Variants in DHX33 observed in about 807,000 individuals in gnomAD.
DHX33 encodes the protein DEAH-box helicase 33.
In DHX33, 42 loss-of-function variants were observed where a neutral mutation model predicts 72.5. The ratio of observed to expected loss-of-function variants is 0.58; its 90% CI spans 0.45 to 0.75. The LOEUF is 0.75. Ranked by LOEUF, DHX33 falls within the 30% of genes least tolerant of loss-of-function variation. The probability of loss-of-function intolerance (pLI) is 0.00; values close to 1 mark genes in which losing one functional copy is unlikely to be tolerated. For synonymous variants in DHX33, 358 were observed against 366.1 expected, an observed-to-expected ratio of 0.98 and a Z score of 0.25; for missense variants, 842 against 917.5, an observed-to-expected ratio of 0.92 and a Z score of 1.06.
intron 4 of DHX33, among the ~76,000 whole-genome samples, chr17:5,456,596 A>G (rs1904335997): frequency 6.6e-6 from 1 of 152,230 alleles, no homozygotes; most frequent in African/African-American, 2.4e-5. Flanking sequence ...CAAAAACACA[A>G]AAAACAAAAC....
At chr17:5,448,032 A>G (rs1185211298) in intron 11 of DHX33, among the ~76,000 whole-genome samples, 2 of 152,040 alleles carry the variant, frequency 1.3e-5, no homozygotes, top group African/African-American at 4.8e-5. Context: ...TACAAAAATT[A>G]GCCAGGCGTG....
At chr17:5,446,462 G>A (rs913995730) in intron 11 of DHX33, among the ~76,000 whole-genome samples, 4 of 151,948 alleles carry the variant, frequency 2.6e-5, no homozygotes, top group African/African-American at 9.7e-5. Context: ...TTGTAAAATG[G>A]GAATAACAAA....
At chr17:5,455,554 T>A (rs993305925) in intron 5 of DHX33, among the ~76,000 whole-genome samples, 1 of 152,196 alleles carries the variant, frequency 6.6e-6, no homozygotes, top group Non-Finnish European at 1.5e-5. Context: ...GCCAGTGACT[T>A]ACTATGCGCC....
chr17:5,447,092 G>A (rs1260612257), intron 11 of DHX33, among the ~76,000 whole-genome samples: 4 of 152,194 alleles, frequency 2.6e-5, no homozygotes, highest in African/African-American at 9.6e-5. Context: ...CTGTCTCAGT[G>A]ATCAACAGCA....
intron 6 of DHX33, 23 bp downstream of exon 6, chr17:5,455,137 A>T: frequency 6.3e-7 from 1 of 1,579,286 alleles, no homozygotes; most frequent in Non-Finnish European, 8.7e-7. Flanking sequence ...CAGGAGAGAC[A>T]TTCATGAACT....
At chr17:5,448,612 C>A (rs1916756147) in intron 11 of DHX33, 197 bp downstream of exon 11, 2 of 337,928 alleles carry the variant, frequency 5.9e-6, no homozygotes, top group Non-Finnish European at 1.1e-5. Flanking sequence ...TAAAAAAATA[C>A]AATAAAAACT....
rs973085133 is a variant in DHX33 at position 5,453,825 on chromosome 17, G to C, written c.1303C>G (p.Gln435Glu). 1 of 1,613,940 alleles carries C rather than the reference G, an allele frequency of 6.2e-7. No individual in the cohort carries two copies. The highest frequency in any genetic ancestry group is 8.5e-7 in the Non-Finnish European group (1 of 1,179,934). ...GCAGGAGCAACTGGTGCCTACCTCT[G>C]GATCTCTGGCACGGTCATCTTATCA... is the stretch of plus-strand genomic sequence containing the variant. ...KFDKMTVPEI[Q>E]RCNLASVMLQ... is the part of the protein sequence containing the mutation. The change falls in exon 7 of 12, where the codon CAG (glutamine) becomes GAG (glutamate). Residue 435 changes from glutamine to glutamate, a missense_variant. By Grantham distance (29) the Gln-to-Glu change is conservative. Transcript: ENST00000225296.
At chr17:5,468,527 C>T in intron 1 of DHX33, 44 bp downstream of exon 1, 1 of 1,583,846 alleles carries the variant, frequency 6.3e-7, no homozygotes, top group African/African-American at 1.3e-5. Context: ...CTAGCTAAGC[C>T]ACGGACGAAG....
chr17:5,456,384 C>T (rs908230642), intron 4 of DHX33, among the ~76,000 whole-genome samples: 2 of 152,308 alleles, frequency 1.3e-5, no homozygotes, highest in Admixed American at 6.5e-5. Flanking sequence ...TGATGGCTCA[C>T]GCCTGTAAAC....
intron 9 of DHX33, 77 bp from the exon 10 acceptor site, chr17:5,450,483 T>C: frequency 1.3e-6 from 2 of 1,493,368 alleles, no homozygotes; most frequent in Non-Finnish European, 1.8e-6. Flanking sequence ...TACATTGCTT[T>C]TGCAGTTTCC....
chr17:5,451,268 G>A (rs1246530848), intron 8 of DHX33, among the ~76,000 whole-genome samples: 1 of 152,118 alleles, frequency 6.6e-6, no homozygotes, highest in African/African-American at 2.4e-5. Context: ...ACCGCGCCCA[G>A]CTAATTTTTG....
At position 5,468,955 on chromosome 17, in the gene DHX33, C is replaced by G. The variant is rs370338400; in HGVS notation, c.-96G>C. On this transcript the variant is annotated 5_prime_UTR_variant, in exon 1 of 12. Transcript: ENST00000225296. ...GAGCACACCGCCCCTTCCTCGCCGC[C>G]ACGTGCTGGCGGCTCCCGGCGACCA... The G allele has an allele frequency of 2.9e-5, 34 of 1,190,268 alleles. No individual in the cohort carries two copies. In the African/African-American group the frequency reaches 5.1e-4, roughly 18 times the overall value. The allele number at this position is 1,190,268 out of a possible 1,614,324, so 73.7% of individuals were successfully genotyped here.
At chr17:5,449,760 G>A (rs1304127052) in intron 10 of DHX33, among the ~76,000 whole-genome samples, 3 of 152,116 alleles carry the variant, frequency 2.0e-5, no homozygotes, top group Admixed American at 6.5e-5. Flanking sequence ...TCAACTGCAC[G>A]AAGCTTCGTT....
At position 5,462,240 on chromosome 17, in the gene DHX33, A is replaced by G. The variant is rs1422207851; in HGVS notation, c.678+79T>C. The G allele has an allele frequency of 2.2e-6, 3 of 1,367,928 alleles. No individual in the cohort carries two copies. In the South Asian group the frequency reaches 4.0e-5, roughly 18 times the overall value. The allele number at this position is 1,367,928 out of a possible 1,614,324, so 84.7% of individuals were successfully genotyped here. A position where few individuals can be genotyped will look rare whatever the true frequency, so the allele number is the denominator to read the frequency against. Reference sequence around the variant, plus strand: ...CAGGCGTGAGCCACCGCGCCCAGCCAGGCCTGTTTCCTTCTGTGTGTTACG... The same window carrying G: ...CAGGCGTGAGCCACCGCGCCCAGCCGGGCCTGTTTCCTTCTGTGTGTTACG... On this transcript the variant is annotated intron_variant, in intron 3 of 11. Coordinates refer to ENST00000225296, the MANE Select transcript of DHX33 (RefSeq NM_020162.4).
intron 2 of DHX33, among the ~76,000 whole-genome samples, chr17:5,462,905 C>T (rs1289918330): frequency 6.6e-6 from 1 of 151,900 alleles, no homozygotes; most frequent in Admixed American, 6.6e-5. Context: ...TGCTGAAATC[C>T]CGTCTCTACT....
intron 5 of DHX33, among the ~76,000 whole-genome samples, chr17:5,455,642 G>A (rs139632325): frequency 2.0e-5 from 3 of 152,280 alleles, no homozygotes; most frequent in Non-Finnish European, 2.9e-5. Context: ...CGGTTCCCAC[G>A]AGGATGACAG....
At chr17:5,459,462 T>TC (rs1567602100) in intron 4 of DHX33, among the ~76,000 whole-genome samples, 1 of 152,110 alleles carries the variant, frequency 6.6e-6, no homozygotes, top group African/African-American at 2.4e-5. Context: ...TGAGATAGGA[T>TC]CTTGCTCTGT....
chr17:5,459,976 T>TCTGGCCAGAAGCAG, intron 4 of DHX33, among the ~76,000 whole-genome samples: 1 of 150,626 alleles, frequency 6.6e-6, no homozygotes, highest in African/African-American at 2.4e-5. Context: ...CCTATTTCAG[T>TCTGGCCAGAAGCAG]TATATGTATA....
In DHX33 at chr17:5,463,700, G is replaced by C. The variant is rs78255689; in HGVS notation, c.290-11C>G. ...CAGAGCCAGTTTCCCCTAGGAGAGA[G>C]GGGGAAAAAAAAAAAAGGCTCACTG... On this transcript the variant is annotated splice_polypyrimidine_tract_variant and intron_variant, in intron 1 of 11. Transcript: ENST00000225296. 30 of 1,548,856 alleles carry C rather than the reference G, an allele frequency of 1.9e-5. No homozygotes were observed. The highest frequency in any genetic ancestry group is 2.0e-5 in the Admixed American group (1 of 49,318).
Sources: allele counts gnomAD v4.1 joint callset (sites outside exome capture counted in the v4.1 genomes callset), GRCh38; gene constraint gnomAD v4.1.1; transcripts MANE v1.5; gene names NCBI Gene and HGNC (gene_info 2026-07-23, HGNC 2026-07-21).